Variants in CBY2 observed in about 807,000 individuals in gnomAD.
The protein encoded by CBY2 is protein chibby homolog 2.
Under a neutral mutation model 25.3 loss-of-function variants are expected in CBY2, and 23 were observed. That is an observed-to-expected ratio of 0.91 (90% CI 0.65 to 1.29). CBY2 has a LOEUF of 1.29. Ranked by LOEUF, CBY2 falls within the 50% of genes most tolerant of loss-of-function variation. The probability of loss-of-function intolerance (pLI) is 0.00; values close to 1 mark genes in which losing one functional copy is unlikely to be tolerated. For missense variants in CBY2, 642 were observed against 590.7 expected, an observed-to-expected ratio of 1.09 and a Z score of -0.90; for synonymous variants, 279 against 260.2, an observed-to-expected ratio of 1.07 and a Z score of -0.70.
intron 2 of CBY2, among the ~76,000 whole-genome samples, chr13:45,710,410 C>T (rs7331107): frequency 0.048 from 7,316 of 152,204 alleles, 588 homozygotes; most frequent in African/African-American, 0.17. Flanking sequence ...GTAGTCCCAG[C>T]TACTCTGGAG....
In CBY2 at chr13:45,714,065, C is replaced by CG; in HGVS notation, c.1043dup (p.Leu349ProfsTer67). 2 of 1,516,026 alleles carry CG rather than the reference C, an allele frequency of 1.3e-6. No homozygotes were observed. The highest frequency in any genetic ancestry group is 1.8e-6 in the Non-Finnish European group (2 of 1,130,434). The allele number at this position is 1,516,026 out of a possible 1,614,324, so 93.9% of individuals were successfully genotyped here. A position where few individuals can be genotyped will look rare whatever the true frequency, so the allele number is the denominator to read the frequency against. On this transcript the variant is annotated frameshift_variant, in exon 3 of 3. Transcript: ENST00000310521. LOFTEE classifies it high-confidence loss of function. ...GGGGAGGAGGAGGCCAAGGTGGGCC[C>CG]GGGCCTGCCCGACGGCTGCCAGCCC... is the stretch of plus-strand genomic sequence containing the variant.
chr13:45,705,197 C>T (rs560897012), intron 2 of CBY2, among the ~76,000 whole-genome samples: 1 of 152,326 alleles, frequency 6.6e-6, no homozygotes, highest in Admixed American at 6.5e-5. Context: ...TTCCCTCCAG[C>T]ACATTAACTT....
intron 2 of CBY2, among the ~76,000 whole-genome samples, chr13:45,711,955 T>C (rs1260975234): frequency 6.6e-6 from 1 of 152,182 alleles, no homozygotes; most frequent in Non-Finnish European, 1.5e-5. Flanking sequence ...TAGCATTGCA[T>C]TAGAAGCTGG....
chr13:45,713,130 CA>C lies in CBY2; in HGVS notation c.157-50del. ...TCCTGGCCCCTTTGTCAGCCAGCCC[CA>C]AGTGTGTCAGTCCCATCGTTAACGC... On this transcript the variant is annotated intron_variant, in intron 2 of 2. Transcript: ENST00000310521. This position sits in a 1 kb window ranked among gnomAD's most constrained non-coding sequence, Gnocchi z 5.0. 7.0e-7 allele frequency: 1 copy of C among 1,431,790 alleles called. No homozygotes were observed. Among genetic ancestry groups the C allele is most frequent in the Non-Finnish European group, 9.5e-7 (1 of 1,050,270 alleles). The allele number at this position is 1,431,790 out of a possible 1,614,324, so 88.7% of individuals were successfully genotyped here.
At position 45,702,785 on chromosome 13, in the gene CBY2, C is replaced by A; in HGVS notation, c.86C>A (p.Pro29Gln). Reference sequence around the variant, plus strand: ...TTCTCGTTTCCACAGCACTCAAGGCCAAATTATACAAGAAAAAGAGATACC... The same window carrying A: ...TTCTCGTTTCCACAGCACTCAAGGCAAAATTATACAAGAAAAAGAGATACC... ...YTWQLTLHSR[P>Q]NYTRKRDTRS... Residue 29 changes from proline to glutamine, a missense_variant, in exon 2 of 3, where the codon CCA (proline) becomes CAA (glutamine). Coordinates refer to ENST00000310521, the MANE Select transcript of CBY2 (RefSeq NM_152719.3). 6.2e-7 allele frequency: 1 copy of A among 1,613,890 alleles called. No homozygotes were observed. The highest frequency in any genetic ancestry group is 2.2e-5 in the East Asian group (1 of 44,874).
intron 2 of CBY2, 136 bp downstream of exon 2, chr13:45,702,991 T>A (rs1397312275): frequency 1.7e-4 from 188 of 1,109,932 alleles, no homozygotes; most frequent in Non-Finnish European, 3.8e-6. Context: ...TTGGGTTGGG[T>A]GCCAGCAGGC....
chr13:45,711,542 C>T (rs1191086188), intron 2 of CBY2, among the ~76,000 whole-genome samples: 1 of 152,124 alleles, frequency 6.6e-6, no homozygotes, highest in African/African-American at 2.4e-5. Context: ...GCTGGTGCAA[C>T]CCTCACTTAA....
intron 2 of CBY2, 67 bp downstream of exon 2, chr13:45,702,922 C>T: frequency 7.5e-7 from 1 of 1,335,262 alleles, no homozygotes; most frequent in Non-Finnish European, 1.1e-6. Flanking sequence ...TCTCCTCCTT[C>T]AAAACTCTAG....
rs781621269 is a variant in CBY2 at position 45,713,430 on chromosome 13, G to GTTAA, written c.405_406insTTAA (p.Val136LeufsTer4). ...TGTTCGTGTTCCAGGACGGGCGCTG[G>GTTAA]GTAAATGAGAACTGCCGCCTGCAGT... is the stretch of plus-strand genomic sequence containing the variant. On this transcript the variant is annotated frameshift_variant, in exon 3 of 3. Coordinates refer to ENST00000310521, the MANE Select transcript of CBY2 (RefSeq NM_152719.3). LOFTEE classifies it high-confidence loss of function. The surrounding 1 kb of genome is among the most constrained non-coding windows in gnomAD (Gnocchi z 5.0). The GTTAA allele has an allele frequency of 1.6e-5, 26 of 1,614,194 alleles. No homozygotes were observed. Among genetic ancestry groups the GTTAA allele is most frequent in the Non-Finnish European group, 2.1e-5 (25 of 1,180,042 alleles).
chr13:45,705,293 G>A (rs898478836), intron 2 of CBY2, among the ~76,000 whole-genome samples: 10 of 152,020 alleles, frequency 6.6e-5, no homozygotes, highest in African/African-American at 1.7e-4. Context: ...ACAGACTTTC[G>A]CGTTTCCCCA....
At chr13:45,711,131 G>C (rs1031522346) in intron 2 of CBY2, among the ~76,000 whole-genome samples, 4 of 152,126 alleles carry the variant, frequency 2.6e-5, no homozygotes, top group Non-Finnish European at 5.9e-5. Flanking sequence ...TTAAATTCAT[G>C]GCTGCAATCA....
intron 2 of CBY2, among the ~76,000 whole-genome samples, chr13:45,711,383 A>G (rs75309381): frequency 1.3e-5 from 2 of 152,176 alleles, no homozygotes; most frequent in South Asian, 4.2e-4. Flanking sequence ...CAATGTTGGA[A>G]GGTGCCTTTA....
rs535745198 is a variant in CBY2 at position 45,708,006 on chromosome 13, C to T, written c.156+5151C>T. ...AAAAGCCCTTCTTGTATGTCTGCAGCTCTTTATAAACAAAGAAAATGTTCC... is the reference window on the plus strand; with the variant it reads ...AAAAGCCCTTCTTGTATGTCTGCAGTTCTTTATAAACAAAGAAAATGTTCC... On this transcript the variant is annotated intron_variant, in intron 2 of 2. Coordinates refer to ENST00000310521, the MANE Select transcript of CBY2 (RefSeq NM_152719.3). Among the ~76,000 whole-genome samples the T allele has an allele frequency of 2.0e-5, 3 of 152,286 alleles. No individual in the cohort carries two copies. The South Asian group carries it at 6.2e-4, about 32-fold the overall frequency.
chr13:45,704,351 G>A lies in CBY2; in HGVS notation c.156+1496G>A, dbSNP rs1177190061. Among the ~76,000 whole-genome samples, 2 of 152,190 alleles carry A rather than the reference G, an allele frequency of 1.3e-5. No homozygotes were observed. The highest frequency in any genetic ancestry group is 2.9e-5 in the Non-Finnish European group (2 of 68,042). ...TGCTGCTGGGGTCTTGTGGGGCAGA[G>A]TGGGTGAAGAATGAGAGGATATCTC... On this transcript the variant is annotated intron_variant, in intron 2 of 2. Coordinates refer to ENST00000310521, the MANE Select transcript of CBY2 (RefSeq NM_152719.3). The surrounding 1 kb of genome is among the most constrained non-coding windows in gnomAD (Gnocchi z 4.1).
chr13:45,713,696 C>A lies in CBY2; in HGVS notation c.671C>A (p.Ala224Glu). The change falls in exon 3 of 3, where the codon GCG becomes GAG. Residue 224 changes from alanine to glutamate, a missense_variant. Physicochemically the swap from Ala to Glu is moderately radical, Grantham distance 107. Coordinates refer to ENST00000310521, the MANE Select transcript of CBY2 (RefSeq NM_152719.3). This position sits in a 1 kb window ranked among gnomAD's most constrained non-coding sequence, Gnocchi z 5.0. ...TCGCCACTGCTGCACAAAGACAGCG[C>A]GTCCCTGGAGGTGGTGAAGAAGGAC... The part of the protein sequence containing the change: ...APSPLLHKDS[A>E]SLEVVKKDHV... 1 of 1,612,376 alleles carries A rather than the reference C, an allele frequency of 6.2e-7. No individual in the cohort carries two copies. The highest frequency in any genetic ancestry group is 8.5e-7 in the Non-Finnish European group (1 of 1,179,954).
At chr13:45,705,806 C>T (rs1384743677) in intron 2 of CBY2, among the ~76,000 whole-genome samples, 1 of 152,200 alleles carries the variant, frequency 6.6e-6, no homozygotes, top group Non-Finnish European at 1.5e-5. Context: ...ACTTCACATG[C>T]TTTAATAGTA....
rs1488268933 is a variant in CBY2, at chr13:45,713,817, A to G, written c.792A>G (p.Lys264=). The G allele has an allele frequency of 6.4e-6, 10 of 1,551,394 alleles. No individual in the cohort carries two copies. Among genetic ancestry groups the G allele is most frequent in the Non-Finnish European group, 6.1e-6 (7 of 1,150,264 alleles). Residue 264 remains lysine, a synonymous_variant, in exon 3 of 3, where the codon AAA becomes AAG. Coordinates refer to ENST00000310521, the MANE Select transcript of CBY2 (RefSeq NM_152719.3). The surrounding 1 kb of genome is among the most constrained non-coding windows in gnomAD (Gnocchi z 5.0). ...NRALQQLLEQ[K]QAYWAQAEDT... is the part of the protein sequence containing the mutation. ...CGCTGCAGCAGCTGCTGGAGCAGAAACAGGCCTACTGGGCGCAGGCAGAGG... is the reference window on the plus strand; with the variant it reads ...CGCTGCAGCAGCTGCTGGAGCAGAAGCAGGCCTACTGGGCGCAGGCAGAGG...
rs1214844667 is a variant in CBY2, at chr13:45,714,485, A to G, written c.*113A>G. 4.2e-6 allele frequency: 4 copies of G among 951,696 alleles called. No homozygotes were observed. The highest frequency in any genetic ancestry group is 6.1e-6 in the Non-Finnish European group (4 of 654,808). 59.0% of individuals were successfully genotyped at this position (951,696 alleles called of 1,614,324 possible). On this transcript the variant is annotated 3_prime_UTR_variant, in exon 3 of 3. Coordinates refer to ENST00000310521, the MANE Select transcript of CBY2 (RefSeq NM_152719.3). ...TTCCCCAGCCAGTTCGTACCTATTG[A>G]AAAGCAGCGTTAGCAGCCTTCCTAA...
At chr13:45,711,888 T>C (rs1950272386) in intron 2 of CBY2, among the ~76,000 whole-genome samples, 1 of 152,206 alleles carries the variant, frequency 6.6e-6, no homozygotes. Flanking sequence ...CTCAGTGATA[T>C]GTCTGGGATG....
Sources: allele counts gnomAD v4.1 joint callset (sites outside exome capture counted in the v4.1 genomes callset), GRCh38; gene constraint gnomAD v4.1.1; non-coding constraint Gnocchi (gnomAD v3.1); transcripts MANE v1.5; gene names NCBI Gene and HGNC (gene_info 2026-07-23, HGNC 2026-07-21).